The following GOSR1 variants were observed in gnomAD, a reference collection of about 807,000 sequenced individuals.
GOSR1 encodes golgi SNAP receptor complex member 1, also known as 28 kDa Golgi SNARE protein.
Under a neutral mutation model 35.5 loss-of-function variants are expected in GOSR1, and 21 were observed. The ratio of observed to expected loss-of-function variants is 0.59; its 90% CI spans 0.42 to 0.85. The LOEUF (loss-of-function observed/expected upper bound fraction) is 0.85, where lower values mean the gene tolerates loss of function less well. Among genes scored for constraint, GOSR1 ranks in the 40% least tolerant of loss-of-function variants. The probability of loss-of-function intolerance (pLI) is 0.00; values close to 1 mark genes in which losing one functional copy is unlikely to be tolerated. For synonymous variants in GOSR1, 94 were observed against 106.6 expected (o/e 0.88, Z 0.73); for missense variants, 285 against 309.6 (o/e 0.92, Z 0.60).
chr17:30,509,203 C>T (rs1358955853), intron 6 of GOSR1, among the ~76,000 whole-genome samples: 4 of 152,174 alleles, frequency 2.6e-5, no homozygotes. Flanking sequence ...TCAAGGACTC[C>T]TGACCTCATG....
intron 7 of GOSR1, among the ~76,000 whole-genome samples, chr17:30,514,313 TC>T (rs1308782330): frequency 6.6e-6 from 1 of 152,218 alleles, no homozygotes; most frequent in African/African-American, 2.4e-5. Flanking sequence ...TAAAATAATT[TC>T]CTCTATTGGA....
intron 8 of GOSR1, among the ~76,000 whole-genome samples, chr17:30,521,312 A>G (rs1427054156): frequency 6.6e-6 from 1 of 151,254 alleles, no homozygotes; most frequent in Non-Finnish European, 1.5e-5. Context: ...CCTTCTGAGT[A>G]GCTGGGACTA....
chr17:30,496,966 C>G (rs1967029159), intron 6 of GOSR1, among the ~76,000 whole-genome samples: 1 of 152,198 alleles, frequency 6.6e-6, no homozygotes, highest in Non-Finnish European at 1.5e-5. Flanking sequence ...AACACATCAG[C>G]TTAAAAATCC....
intron 2 of GOSR1, among the ~76,000 whole-genome samples, chr17:30,481,642 C>T (rs1343904623): frequency 2.0e-5 from 3 of 152,160 alleles, no homozygotes; most frequent in Non-Finnish European, 4.4e-5. Context: ...GCCAGGTATA[C>T]ATACTGCTTT....
intron 7 of GOSR1, among the ~76,000 whole-genome samples, chr17:30,511,783 G>A (rs1967622958): frequency 6.6e-6 from 1 of 152,082 alleles, no homozygotes; most frequent in African/African-American, 2.4e-5. Context: ...TGTCCACCTT[G>A]GCCTCCTAAA....
chr17:30,503,625 A>C (rs1005073921), intron 6 of GOSR1, among the ~76,000 whole-genome samples: 2 of 152,212 alleles, frequency 1.3e-5, no homozygotes, highest in Admixed American at 6.5e-5. Flanking sequence ...TGTTTACTTT[A>C]TTTGGTCTTA....
At chr17:30,477,994 G>T (rs767226008) in intron 1 of GOSR1, 32 of 908,444 alleles carry the variant, frequency 3.5e-5, no homozygotes, top group Non-Finnish European at 4.2e-5. Flanking sequence ...ACAACTACAG[G>T]TTGGGGACTT....
At position 30,485,516 on chromosome 17, in the gene GOSR1, A is replaced by G. The variant is rs1567898403; in HGVS notation, c.342+746A>G. Among the ~76,000 whole-genome samples the G allele has an allele frequency of 3.3e-5, 5 of 151,960 alleles. No individual in the cohort carries two copies. In the South Asian group the frequency reaches 6.2e-4, roughly 19 times the overall value. The stretch of plus-strand genomic sequence containing the variant: ...ACTCCTGTGTTCACGAGGTTTTGCT[A>G]TATTGCCCAGGCTGGTCTCTTAACT... On this transcript the variant is annotated intron_variant, in intron 4 of 8. Coordinates refer to ENST00000451249, the MANE Select transcript of GOSR1 (RefSeq NM_001007025.2).
At chr17:30,503,585 A>G (rs1390487639) in intron 6 of GOSR1, among the ~76,000 whole-genome samples, 4 of 152,208 alleles carry the variant, frequency 2.6e-5, no homozygotes, top group Non-Finnish European at 5.9e-5. Context: ...TCGTGTCCAC[A>G]CGTCCAGGAT....
intron 5 of GOSR1, 120 bp from the exon 6 acceptor site, chr17:30,492,559 C>G (rs1221247827): frequency 1.3e-5 from 8 of 621,038 alleles, no homozygotes; most frequent in Middle Eastern, 4.3e-4. Context: ...TATGTACTTT[C>G]ATTGTTCATT....
intron 4 of GOSR1, 149 bp downstream of exon 4, chr17:30,484,919 AC>A: frequency 1.5e-6 from 1 of 676,068 alleles, no homozygotes; most frequent in Non-Finnish European, 2.7e-6. Context: ...GACTTGTTTT[AC>A]TTTTTTTTGG....
intron 1 of GOSR1, chr17:30,480,838 G>C (rs1454063937): frequency 5.1e-6 from 1 of 195,184 alleles, no homozygotes; most frequent in East Asian, 1.2e-4. Context: ...TCAGCCTTCC[G>C]AGTAGCTGGG....
At chr17:30,521,167 C>CTT (rs71360748) in intron 8 of GOSR1, among the ~76,000 whole-genome samples, 11,851 of 64,240 alleles carry the variant, frequency 0.18, 3,202 homozygotes, top group East Asian at 0.58. Flanking sequence ...TTCTCTCTCT[C>CTT]TTTTTTTTTT....
chr17:30,484,307 T>C lies in GOSR1; in HGVS notation c.234+6T>C, dbSNP rs770362926. 4 of 1,539,156 alleles carry C rather than the reference T, an allele frequency of 2.6e-6. No homozygotes were observed. The highest frequency in any genetic ancestry group is 1.1e-5 in the South Asian group (1 of 89,518). ...TTGAACAACTTTTGGCAAGGGTAAG[T>C]GCTTTCTGTTAAATGGCTATTTTGC... On this transcript the variant is annotated splice_donor_region_variant and intron_variant, in intron 3 of 8. Transcript: ENST00000451249.
chr17:30,481,270 C>T lies in GOSR1; in HGVS notation c.146+13C>T. 1.9e-6 allele frequency: 3 copies of T among 1,592,908 alleles called. No homozygotes were observed. Among genetic ancestry groups the T allele is most frequent in the Non-Finnish European group, 2.6e-6 (3 of 1,161,742 alleles). On this transcript the variant is annotated intron_variant, in intron 2 of 8. Transcript: ENST00000451249. ...GAAGACGCGACAGGTATAGGTACTACCAGATTCTGTCTCCTATGCCTTAAC... is the reference window on the plus strand; with the variant it reads ...GAAGACGCGACAGGTATAGGTACTATCAGATTCTGTCTCCTATGCCTTAAC...
At chr17:30,483,696 G>C (rs1456282973) in intron 2 of GOSR1, among the ~76,000 whole-genome samples, 1 of 152,188 alleles carries the variant, frequency 6.6e-6, no homozygotes, top group Non-Finnish European at 1.5e-5. Context: ...CCTGATGAAG[G>C]TTAGTGGTGT....
chr17:30,509,686 CTTTG>C lies in GOSR1; in HGVS notation c.510-1186_510-1183del, dbSNP rs762377536. Among the ~76,000 whole-genome samples the C allele has an allele frequency of 9.2e-5, 14 of 152,186 alleles. No homozygotes were observed. In the East Asian group the frequency reaches 1.2e-3, roughly 13 times the overall value. ...ACCTATTCATTTCTCCCTAAAATGG[CTTTG>C]TTTGTTTCTTTCTTTCCAGTGTGTG... On this transcript the variant is annotated intron_variant, in intron 6 of 8. Coordinates refer to ENST00000451249, the MANE Select transcript of GOSR1 (RefSeq NM_001007025.2).
At chr17:30,496,851 G>A (rs531059615) in intron 6 of GOSR1, among the ~76,000 whole-genome samples, 1 of 152,174 alleles carries the variant, frequency 6.6e-6, no homozygotes, top group Non-Finnish European at 1.5e-5. Context: ...GTAAAGCTGA[G>A]GAGTTTTATC....
chr17:30,478,010 A>T, intron 1 of GOSR1: 1 of 793,310 alleles, frequency 1.3e-6, no homozygotes, highest in Non-Finnish European at 1.5e-6. Flanking sequence ...GACTTCCAGG[A>T]CTGGGTGTTT....
Sources: allele counts gnomAD v4.1 joint callset (sites outside exome capture counted in the v4.1 genomes callset), GRCh38; gene constraint gnomAD v4.1.1; transcripts MANE v1.5; gene names NCBI Gene and HGNC (gene_info 2026-07-23, HGNC 2026-07-21).